PCDH15: variants seen among roughly 807,000 people sequenced by gnomAD.
The protein encoded by PCDH15 is protocadherin related 15.
In PCDH15, 129 loss-of-function variants were observed where a neutral mutation model predicts 178.5. That is an observed-to-expected ratio of 0.72 (90% CI 0.63 to 0.84). PCDH15 has a LOEUF of 0.84. Ranked by LOEUF, PCDH15 falls within the 40% of genes least tolerant of loss-of-function variation. The pLI is 0.00. For synonymous variants in PCDH15, 800 were observed against 732.0 expected (o/e 1.09, Z -1.50); for missense variants, 2,230 against 2,099.9 (o/e 1.06, Z -1.21).
intron 2 of PCDH15, among the ~76,000 whole-genome samples, chr10:55,463,350 TA>T (rs1839721223): frequency 6.6e-6 from 1 of 152,058 alleles, no homozygotes. Flanking sequence ...CTATGAGGCA[TA>T]ACAAAAAATG....
intron 2 of PCDH15, among the ~76,000 whole-genome samples, chr10:55,133,774 T>C (rs1164261226): frequency 6.6e-6 from 1 of 152,150 alleles, no homozygotes; most frequent in East Asian, 1.9e-4. Context: ...AGAGTCATTT[T>C]TAGTTTTAGT....
intron 3 of PCDH15, among the ~76,000 whole-genome samples, chr10:54,462,654 C>G (rs1412630762): frequency 1.4e-5 from 2 of 138,892 alleles, no homozygotes; most frequent in African/African-American, 2.7e-5. Context: ...TCTGGAAATA[C>G]AGGCACGTGT....
intron 1 of PCDH15, among the ~76,000 whole-genome samples, chr10:54,694,927 G>T (rs2095194782): frequency 6.6e-6 from 1 of 152,044 alleles, no homozygotes; most frequent in African/African-American, 2.4e-5. Context: ...GAGGCCAAAA[G>T]CTAGGCCTCA....
chr10:54,820,513 G>T (rs1434304147), intron 3 of PCDH15, among the ~76,000 whole-genome samples: 4 of 151,934 alleles, frequency 2.6e-5, no homozygotes, highest in Admixed American at 6.6e-5. Flanking sequence ...ATATTTAAAA[G>T]CTTTCAAGAT....
chr10:54,465,337 G>A (rs2077447893), intron 3 of PCDH15, among the ~76,000 whole-genome samples: 1 of 151,898 alleles, frequency 6.6e-6, no homozygotes, highest in African/African-American at 2.4e-5. Context: ...CTCAATCACT[G>A]GAAATTATTC....
chr10:54,622,652 TAC>T (rs2093406654), intron 2 of PCDH15, among the ~76,000 whole-genome samples: 4 of 93,820 alleles, frequency 4.3e-5, no homozygotes, highest in Admixed American at 1.7e-4. Context: ...ATTATATATA[TAC>T]TATATAATAT....
chr10:54,397,752 G>T (rs73251614), intron 3 of PCDH15, among the ~76,000 whole-genome samples: 4,005 of 151,994 alleles, frequency 0.026, 170 homozygotes, highest in African/African-American at 0.089. Context: ...CACTAGATAT[G>T]CTGATATTCT....
At chr10:55,162,808 T>A (rs1056428053) in intron 2 of PCDH15, among the ~76,000 whole-genome samples, 4 of 152,160 alleles carry the variant, frequency 2.6e-5, no homozygotes, top group African/African-American at 7.2e-5. Flanking sequence ...CTACTATGGC[T>A]GTGAAGTCAG....
chr10:54,326,293 G>C (rs549104878), intron 7 of PCDH15, among the ~76,000 whole-genome samples: 1 of 152,250 alleles, frequency 6.6e-6, no homozygotes, highest in African/African-American at 2.4e-5. Flanking sequence ...TTGTGGAAGT[G>C]TGATATGTCA....
At chr10:55,333,549 G>T (rs188555257) in intron 2 of PCDH15, among the ~76,000 whole-genome samples, 1 of 152,058 alleles carries the variant, frequency 6.6e-6, no homozygotes, top group East Asian at 1.9e-4. Flanking sequence ...AATATTTGAT[G>T]CTGTCAAGAA....
chr10:55,607,275 T>C (rs1367562117), intron 2 of PCDH15, among the ~76,000 whole-genome samples: 5 of 151,614 alleles, frequency 3.3e-5, no homozygotes, highest in Admixed American at 6.6e-5. Context: ...TGTGGAGAAA[T>C]AGGAACAGTT....
At chr10:54,971,929 C>A (rs1462334871) in intron 2 of PCDH15, among the ~76,000 whole-genome samples, 2 of 152,036 alleles carry the variant, frequency 1.3e-5, no homozygotes, top group Non-Finnish European at 2.9e-5. Context: ...ATTTGGTATA[C>A]CTGTAGAGTT....
At chr10:53,981,473 A>T (rs574597866) in intron 21 of PCDH15, among the ~76,000 whole-genome samples, 12 of 152,308 alleles carry the variant, frequency 7.9e-5, no homozygotes, top group African/African-American at 2.4e-4. Context: ...AAACAGAGAT[A>T]TAGATCAATG....
chr10:54,119,858 G>C (rs920772914), intron 15 of PCDH15, among the ~76,000 whole-genome samples: 5 of 150,762 alleles, frequency 3.3e-5, no homozygotes, highest in African/African-American at 1.2e-4. Context: ...GTGCCATGGT[G>C]GTTTGCTGCA....
intron 2 of PCDH15, among the ~76,000 whole-genome samples, chr10:55,063,285 T>A (rs752570102): frequency 6.6e-6 from 1 of 152,162 alleles, no homozygotes; most frequent in Non-Finnish European, 1.5e-5. Context: ...TCTTAGCCAG[T>A]AAAATTTTTC....
intron 2 of PCDH15, among the ~76,000 whole-genome samples, chr10:54,542,141 C>T (rs1040118195): frequency 1.9e-4 from 29 of 152,134 alleles, no homozygotes; most frequent in African/African-American, 6.5e-4. Context: ...TTACAAGGTA[C>T]GGGATGTTGA....
At chr10:54,842,498 G>A (rs1953437403) in intron 3 of PCDH15, among the ~76,000 whole-genome samples, 1 of 151,762 alleles carries the variant, frequency 6.6e-6, no homozygotes. Flanking sequence ...ATTCTATAAG[G>A]AAATCATCTA....
At chr10:54,920,072 T>A (rs1423407840) in intron 2 of PCDH15, among the ~76,000 whole-genome samples, 1 of 152,176 alleles carries the variant, frequency 6.6e-6, no homozygotes, top group Non-Finnish European at 1.5e-5. Context: ...TATACTCCTC[T>A]CGTTTTGAGT....
intron 2 of PCDH15, among the ~76,000 whole-genome samples, chr10:54,921,595 G>C (rs1837488724): frequency 6.6e-6 from 1 of 151,996 alleles, no homozygotes; most frequent in Non-Finnish European, 1.5e-5. Context: ...TTGTTTGTCT[G>C]TTACTGCCCT....
Sources: allele counts gnomAD v4.1 joint callset (sites outside exome capture counted in the v4.1 genomes callset), GRCh38; gene constraint gnomAD v4.1.1; transcripts MANE v1.5; gene names NCBI Gene and HGNC (gene_info 2026-07-23, HGNC 2026-07-21).